Variants in ZSWIM5 observed in about 807,000 individuals in gnomAD.
ZSWIM5 encodes the protein zinc finger SWIM domain-containing protein 5.
Under a neutral mutation model 119.6 loss-of-function variants are expected in ZSWIM5, and 55 were observed. That is an observed-to-expected ratio of 0.46 (90% confidence interval 0.37 to 0.58). The LOEUF is 0.58. ZSWIM5 is among the 20% of genes least tolerant of loss of function. The probability of loss-of-function intolerance (pLI) is 0.00; values close to 1 mark genes in which losing one functional copy is unlikely to be tolerated. For missense variants in ZSWIM5, 1,193 were observed against 1,512.8 expected (o/e 0.79, Z 3.51); for synonymous variants, 537 against 606.9 (o/e 0.88, Z 1.69).
At chr1:45,203,636 G>C (rs1646170807) in intron 1 of ZSWIM5, among the ~76,000 whole-genome samples, 1 of 151,840 alleles carries the variant, frequency 6.6e-6, no homozygotes, top group Non-Finnish European at 1.5e-5. Flanking sequence ...CTCATCTCTT[G>C]GCAATACTTT....
chr1:45,168,240 C>T (rs1279701418), intron 1 of ZSWIM5, among the ~76,000 whole-genome samples: 2 of 151,904 alleles, frequency 1.3e-5, no homozygotes, highest in South Asian at 2.1e-4. Flanking sequence ...AACCAAACAC[C>T]CCGTGTTCTC....
chr1:45,056,759 G>A (rs922063599), intron 4 of ZSWIM5, among the ~76,000 whole-genome samples: 1 of 152,200 alleles, frequency 6.6e-6, no homozygotes, highest in Non-Finnish European at 1.5e-5. Context: ...GAGCAAACAC[G>A]TAAGGGTTGG....
At chr1:45,181,472 A>G (rs1646018440) in intron 1 of ZSWIM5, among the ~76,000 whole-genome samples, 1 of 152,158 alleles carries the variant, frequency 6.6e-6, no homozygotes, top group African/African-American at 2.4e-5. Flanking sequence ...TATACCTGAA[A>G]GGGACAGGGA....
intron 1 of ZSWIM5, among the ~76,000 whole-genome samples, chr1:45,174,305 A>G (rs1160790066): frequency 6.6e-6 from 1 of 152,030 alleles, no homozygotes; most frequent in Non-Finnish European, 1.5e-5. Context: ...AAATAAAACT[A>G]AAACATTCAA....
intron 1 of ZSWIM5, among the ~76,000 whole-genome samples, chr1:45,119,844 A>G (rs1028355620): frequency 2.0e-5 from 3 of 151,990 alleles, no homozygotes; most frequent in Admixed American, 6.6e-5. Context: ...CTCATCTTAC[A>G]CCTCCCAGAG....
intron 2 of ZSWIM5, among the ~76,000 whole-genome samples, chr1:45,063,263 G>A (rs1179122477): frequency 6.6e-6 from 1 of 152,060 alleles, no homozygotes; most frequent in Non-Finnish European, 1.5e-5. Flanking sequence ...CTTTGCTATT[G>A]TGAATATGAG....
chr1:45,034,605 C>T lies in ZSWIM5; in HGVS notation c.2292-136G>A, dbSNP rs992407724. On this transcript the variant is annotated intron_variant, in intron 10 of 13. Transcript: ENST00000359600. Reference sequence around the variant, plus strand: ...CTAAGAGCTTTGAAGGTTTTTAAACCTATGGTACTATACACTATATGAGGT... The same window carrying T: ...CTAAGAGCTTTGAAGGTTTTTAAACTTATGGTACTATACACTATATGAGGT... The T allele has an allele frequency of 6.9e-6, 7 of 1,015,836 alleles. 1 individual carries two copies. The Admixed American group carries it at 1.4e-4, about 21-fold the overall frequency. 62.9% of individuals were successfully genotyped at this position (1,015,836 alleles called of 1,614,324 possible).
intron 2 of ZSWIM5, among the ~76,000 whole-genome samples, chr1:45,081,372 A>G (rs1645289249): frequency 6.6e-6 from 1 of 151,604 alleles, no homozygotes; most frequent in Non-Finnish European, 1.5e-5. Flanking sequence ...CCGAAGCTGG[A>G]CTATACTGCT....
chr1:45,043,613 A>G (rs1372604691), intron 5 of ZSWIM5, among the ~76,000 whole-genome samples: 1 of 152,160 alleles, frequency 6.6e-6, no homozygotes, highest in Non-Finnish European at 1.5e-5. Flanking sequence ...ATAAGCTTTC[A>G]GTGTGTGTGT....
chr1:45,054,774 A>G lies in ZSWIM5; in HGVS notation c.1253-3521T>C, dbSNP rs369458946. Among the ~76,000 whole-genome samples the G allele has an allele frequency of 3.9e-5, 6 of 152,158 alleles. 1 individual carries two copies. The East Asian group carries it at 5.8e-4, about 15-fold the overall frequency. On this transcript the variant is annotated intron_variant, in intron 4 of 13. Coordinates refer to ENST00000359600, the MANE Select transcript of ZSWIM5 (RefSeq NM_020883.2). ...ATTCAGTCCTCTAACTCTGAGGATC[A>G]ACAGGTCTTGGTTTGGATGTAAAAG...
intron 1 of ZSWIM5, among the ~76,000 whole-genome samples, chr1:45,132,844 T>C (rs541818453): frequency 6.6e-6 from 1 of 152,258 alleles, no homozygotes; most frequent in African/African-American, 2.4e-5. Flanking sequence ...TTCCCACCTA[T>C]AAGTGAGAAC....
chr1:45,181,398 G>A (rs1646017781), intron 1 of ZSWIM5, among the ~76,000 whole-genome samples: 2 of 152,020 alleles, frequency 1.3e-5, no homozygotes, highest in South Asian at 4.1e-4. Flanking sequence ...AGAATAAAAA[G>A]AAACAAACAA....
intron 2 of ZSWIM5, among the ~76,000 whole-genome samples, chr1:45,081,101 T>A (rs534222549): frequency 1.3e-5 from 2 of 152,184 alleles, no homozygotes; most frequent in South Asian, 2.1e-4. Context: ...ATGTTCTAAG[T>A]GTTTAAAGAT....
chr1:45,120,807 G>A (rs1378884500), intron 1 of ZSWIM5, among the ~76,000 whole-genome samples: 1 of 151,868 alleles, frequency 6.6e-6, no homozygotes, highest in Non-Finnish European at 1.5e-5. Context: ...CACTACTCTC[G>A]AACTTCCAAC....
chr1:45,032,588 C>T (rs910275484), intron 11 of ZSWIM5, among the ~76,000 whole-genome samples: 24 of 150,824 alleles, frequency 1.6e-4, no homozygotes, highest in African/African-American at 4.9e-4. Flanking sequence ...CAGGTTCAAG[C>T]GATCCTCGTG....
At chr1:45,164,678 T>C (rs1022691652) in intron 1 of ZSWIM5, among the ~76,000 whole-genome samples, 9 of 152,002 alleles carry the variant, frequency 5.9e-5, no homozygotes, top group Non-Finnish European at 8.8e-5. Flanking sequence ...TAGTCTCTGA[T>C]AAAACAGACT....
intron 1 of ZSWIM5, among the ~76,000 whole-genome samples, chr1:45,101,282 C>G (rs1319887010): frequency 6.6e-6 from 1 of 152,134 alleles, no homozygotes; most frequent in African/African-American, 2.4e-5. Context: ...CCAACAGACA[C>G]ATGAAAAAAT....
At chr1:45,030,026 C>A (rs904519329) in intron 11 of ZSWIM5, among the ~76,000 whole-genome samples, 10 of 152,220 alleles carry the variant, frequency 6.6e-5, no homozygotes, top group African/African-American at 2.4e-4. Context: ...CTCACTGTAA[C>A]CTCAAACTTC....
At chr1:45,026,436 G>GT (rs1308918364) in intron 11 of ZSWIM5, among the ~76,000 whole-genome samples, 1 of 151,678 alleles carries the variant, frequency 6.6e-6, no homozygotes. Context: ...ATGAATGGGT[G>GT]TCAGTTATGC....
Sources: gnomAD v4.1 joint callset for allele counts (sites outside exome capture counted in the v4.1 genomes callset) on GRCh38, gnomAD v4.1.1 for gene constraint, MANE v1.5 for transcripts, NCBI Gene and HGNC (gene_info 2026-07-23, HGNC 2026-07-21) for gene names.